Variants in MECOM observed in about 807,000 individuals in gnomAD.
MECOM encodes the protein histone-lysine N-methyltransferase MECOM.
MECOM carries 13 observed loss-of-function variants against 116.3 expected under a neutral mutation model. The observed-to-expected ratio is 0.11, with a 90% CI of 0.07 to 0.18. MECOM has a LOEUF of 0.18. MECOM is among the 10% of genes least tolerant of loss of function. The pLI is 1.00. For missense variants in MECOM, 1,299 were observed against 1,509.0 expected (o/e 0.86, Z 2.31); for synonymous variants, 528 against 535.2 (o/e 0.99, Z 0.19).
At chr3:169,158,228 A>C (rs1053355462) in intron 2 of MECOM, among the ~76,000 whole-genome samples, 3 of 152,198 alleles carry the variant, frequency 2.0e-5, no homozygotes, top group African/African-American at 7.2e-5. Flanking sequence ...ACTGTTTATC[A>C]TTGTCCGTAT....
At chr3:169,369,712 T>C (rs1411245035) in intron 2 of MECOM, among the ~76,000 whole-genome samples, 1 of 151,940 alleles carries the variant, frequency 6.6e-6, no homozygotes, top group Non-Finnish European at 1.5e-5. Context: ...ACTAATGACG[T>C]TCAAACTCAG....
At chr3:169,340,940 A>G (rs1245484059) in intron 2 of MECOM, among the ~76,000 whole-genome samples, 1 of 152,230 alleles carries the variant, frequency 6.6e-6, no homozygotes, top group African/African-American at 2.4e-5. Context: ...CAGGTGGAAC[A>G]TTAAAAAATC....
chr3:169,492,814 G>T (rs998979485), intron 1 of MECOM, among the ~76,000 whole-genome samples: 1 of 152,014 alleles, frequency 6.6e-6, no homozygotes. Flanking sequence ...ACAAAAATTA[G>T]CCAGGCGTGG....
At chr3:169,457,477 G>A (rs1746722577) in intron 1 of MECOM, among the ~76,000 whole-genome samples, 3 of 152,142 alleles carry the variant, frequency 2.0e-5, no homozygotes, top group African/African-American at 2.4e-5. Flanking sequence ...GGGGAAGAGA[G>A]GACAGTCACC....
chr3:169,317,353 T>C (rs995276104), intron 2 of MECOM, among the ~76,000 whole-genome samples: 2 of 152,164 alleles, frequency 1.3e-5, no homozygotes, highest in South Asian at 2.1e-4. Context: ...TGACAATCAT[T>C]ATATGATACT....
rs971765930 is a variant in MECOM at position 169,653,363 on chromosome 3, G to C, written c.37+9973C>G. On this transcript the variant is annotated intron_variant, in intron 1 of 16. Coordinates refer to ENST00000651503, the MANE Select transcript of MECOM (RefSeq NM_004991.4). ...CTCCAGGAGTTTTACAGTTTACCTA[G>C]AAAAATAAGATATATACCATGAAGA... Among the ~76,000 whole-genome samples, 32 of 152,134 alleles carry C rather than the reference G, an allele frequency of 2.1e-4. 1 individual carries two copies. The Middle Eastern group carries it at 0.01, about 49-fold the overall frequency.
At chr3:169,360,375 T>A (rs896074902) in intron 2 of MECOM, among the ~76,000 whole-genome samples, 3 of 149,984 alleles carry the variant, frequency 2.0e-5, no homozygotes, top group African/African-American at 7.3e-5. Flanking sequence ...TGACATTTCT[T>A]ATGGTTCAAA....
intron 2 of MECOM, among the ~76,000 whole-genome samples, chr3:169,368,147 T>C (rs1262237647): frequency 6.6e-6 from 1 of 152,102 alleles, no homozygotes; most frequent in African/African-American, 2.4e-5. Flanking sequence ...TGTGATTTTT[T>C]AGCTTGACAA....
At chr3:169,587,139 G>T (rs966475392) in intron 1 of MECOM, among the ~76,000 whole-genome samples, 1 of 152,132 alleles carries the variant, frequency 6.6e-6, no homozygotes, top group Non-Finnish European at 1.5e-5. Context: ...AAAAGGTGGG[G>T]TCAGCATTCC....
intron 1 of MECOM, among the ~76,000 whole-genome samples, chr3:169,503,462 C>A (rs1754797299): frequency 6.6e-6 from 1 of 152,082 alleles, no homozygotes; most frequent in South Asian, 2.1e-4. Context: ...AAGACATTTA[C>A]CCCCACTTAA....
intron 1 of MECOM, among the ~76,000 whole-genome samples, chr3:169,606,348 G>A (rs1768544002): frequency 6.6e-6 from 1 of 150,470 alleles, no homozygotes; most frequent in Non-Finnish European, 1.5e-5. Flanking sequence ...AGGAGGCGGA[G>A]TTTGCAGCAA....
intron 1 of MECOM, chr3:169,463,826 A>T (rs1214238601): frequency 3.3e-5 from 5 of 152,148 alleles, no homozygotes; most frequent in African/African-American, 1.2e-4. Context: ...CTTCACTGTC[A>T]TGGTGTCAGA....
chr3:169,260,921 T>C (rs1332170856), intron 2 of MECOM, among the ~76,000 whole-genome samples: 2 of 152,236 alleles, frequency 1.3e-5, no homozygotes, highest in Non-Finnish European at 2.9e-5. Flanking sequence ...AATCATGGCA[T>C]TTATCGTATG....
At chr3:169,545,236 T>G (rs1760585591) in intron 1 of MECOM, among the ~76,000 whole-genome samples, 1 of 152,154 alleles carries the variant, frequency 6.6e-6, no homozygotes, top group Admixed American at 6.5e-5. Context: ...GTCAATAGTT[T>G]GTTGAACATC....
chr3:169,283,523 T>A (rs1712612398), intron 2 of MECOM, among the ~76,000 whole-genome samples: 1 of 152,144 alleles, frequency 6.6e-6, no homozygotes, highest in Admixed American at 6.6e-5. Flanking sequence ...AGAATAATAC[T>A]CATATGATAA....
intron 2 of MECOM, among the ~76,000 whole-genome samples, chr3:169,294,579 T>C (rs1715236346): frequency 1.3e-5 from 2 of 152,118 alleles, no homozygotes; most frequent in Admixed American, 6.6e-5. Context: ...TCCTCTCTCA[T>C]CACATGGGAG....
At chr3:169,565,357 C>T (rs1763111154) in intron 1 of MECOM, among the ~76,000 whole-genome samples, 1 of 152,158 alleles carries the variant, frequency 6.6e-6, no homozygotes, top group Admixed American at 6.5e-5. Context: ...GGGTAGTCCA[C>T]GCAGTCTAGG....
At chr3:169,448,600 A>C (rs1745044467) in intron 1 of MECOM, among the ~76,000 whole-genome samples, 1 of 152,164 alleles carries the variant, frequency 6.6e-6, no homozygotes, top group South Asian at 2.1e-4. Flanking sequence ...TTAGAATAGC[A>C]TCCACAGGAG....
intron 2 of MECOM, among the ~76,000 whole-genome samples, chr3:169,365,699 C>G (rs1560180174): frequency 1.3e-5 from 2 of 151,986 alleles, no homozygotes; most frequent in Non-Finnish European, 2.9e-5. Context: ...TCATTCCTCA[C>G]CAGTGCTTAT....
Sources: gnomAD v4.1 joint callset for allele counts (sites outside exome capture counted in the v4.1 genomes callset) on GRCh38, gnomAD v4.1.1 for gene constraint, MANE v1.5 for transcripts, NCBI Gene and HGNC (gene_info 2026-07-23, HGNC 2026-07-21) for gene names.